SETD2: variants seen among roughly 807,000 people sequenced by gnomAD.
The protein encoded by SETD2 is SET domain containing 2, histone lysine methyltransferase, also known as histone-lysine N-methyltransferase SETD2.
Under a neutral mutation model 242.1 loss-of-function variants are expected in SETD2, and 31 were observed. The observed-to-expected ratio is 0.13, with a 90% CI of 0.10 to 0.17. SETD2 has a LOEUF of 0.17. SETD2 is among the 10% of genes least tolerant of loss of function. The pLI, the probability that SETD2 is intolerant of heterozygous loss-of-function variation, is 1.00. For missense variants in SETD2, 2,481 were observed against 3,046.3 expected (o/e 0.81, Z 4.37); for synonymous variants, 1,006 against 1,066.5 (o/e 0.94, Z 1.11).
At position 47,052,668 on chromosome 3, in the gene SETD2, A is replaced by T. The variant is rs547977567; in HGVS notation, c.6963+4153T>A. ...CCTGTCTCTACTAAAAATACAAAAA[A>T]TTAGCTAGGAATGGTGGTGCACACC... On this transcript the variant is annotated intron_variant, in intron 15 of 20. Coordinates refer to ENST00000409792, the MANE Select transcript of SETD2 (RefSeq NM_014159.7). 6.6e-5 allele frequency among the ~76,000 whole-genome samples: 10 copies of T among 152,030 alleles called. No homozygotes were observed. In the South Asian group the frequency reaches 2.1e-3, roughly 32 times the overall value.
At chr3:47,125,241 C>A (rs182946352) in intron 2 of SETD2, among the ~76,000 whole-genome samples, 4 of 152,070 alleles carry the variant, frequency 2.6e-5, no homozygotes, top group African/African-American at 7.2e-5. Flanking sequence ...ATCACTGGAA[C>A]CCCGGAGGCA....
rs746928112 is a variant in SETD2 at position 47,057,024 on chromosome 3, C to T, written c.6760G>A (p.Val2254Ile). 1.1e-5 allele frequency: 17 copies of T among 1,614,126 alleles called. No homozygotes were observed. Among genetic ancestry groups the T allele is most frequent in the African/African-American group, 6.7e-5 (5 of 74,948 alleles). ...GGGGCCGGCACTGGCAAGACAGCAA[C>T]GCTGGAGTCTTGGTGTACTACACCA... ...SDGVVHQDSS[V>I]AVLPVPAPGP... Residue 2254 changes from valine to isoleucine, a missense_variant, in exon 15 of 21, where the codon GTT becomes ATT. This residue lies in a region of SETD2 where 235 missense variants were observed against 293.9 expected (regional missense o/e 0.80). Transcript: ENST00000409792.
chr3:47,060,083 G>A (rs983297762), intron 14 of SETD2, among the ~76,000 whole-genome samples: 1 of 152,138 alleles, frequency 6.6e-6, no homozygotes, highest in Admixed American at 6.5e-5. Flanking sequence ...GAGAAACTCC[G>A]TCTCTACAAA....
intron 1 of SETD2, among the ~76,000 whole-genome samples, chr3:47,161,643 A>G (rs946345816): frequency 1.6e-4 from 24 of 152,232 alleles, no homozygotes; most frequent in Non-Finnish European, 2.9e-4. Context: ...ACAGGTTAAT[A>G]CACAAGAAGA....
At chr3:47,043,014 A>G (rs2107541109) in intron 16 of SETD2, among the ~76,000 whole-genome samples, 1 of 151,802 alleles carries the variant, frequency 6.6e-6, no homozygotes, top group South Asian at 2.1e-4. Flanking sequence ...ACTAAATGGG[A>G]TACAGAAATA....
At chr3:47,083,632 G>T in intron 12 of SETD2, 88 bp downstream of exon 12, 1 of 1,237,882 alleles carries the variant, frequency 8.1e-7, no homozygotes, top group Non-Finnish European at 1.1e-6. Flanking sequence ...AATATGCATG[G>T]CTAAAAAAAG....
At chr3:47,064,881 T>C (rs1306591138) in intron 13 of SETD2, among the ~76,000 whole-genome samples, 2 of 151,284 alleles carry the variant, frequency 1.3e-5, no homozygotes, top group East Asian at 3.9e-4. Flanking sequence ...AGATGAAGGG[T>C]TCTACATGTG....
At chr3:47,056,316 G>A (rs1219314156) in intron 15 of SETD2, among the ~76,000 whole-genome samples, 2 of 151,624 alleles carry the variant, frequency 1.3e-5, no homozygotes, top group Non-Finnish European at 2.9e-5. Context: ...TAGTAGAGAT[G>A]GGGTTTCACC....
chr3:47,121,268 T>C lies in SETD2; in HGVS notation c.3368A>G (p.Lys1123Arg), dbSNP rs899892285. Residue 1123 changes from lysine (K) to arginine (R), a missense_variant, in exon 3 of 21, where the codon AAA becomes AGA. Lys to Arg is a conservative substitution (Grantham distance 26, BLOSUM62 2). This residue lies in a region of SETD2 where 1,300 missense variants were observed against 1,259.2 expected (regional missense o/e 1.03). Transcript: ENST00000409792. ...YEEKFESIASKACPQTDKFFL... is the reference protein window; with the variant it reads ...YEEKFESIASRACPQTDKFFL... The stretch of plus-strand genomic sequence containing the variant: ...AAACTTATCAGTTTGAGGACAGGCT[T>C]TACTTGCTATACTTTCAAATTTTTC... 3 of 1,613,802 alleles carry C rather than the reference T, an allele frequency of 1.9e-6. No homozygotes were observed. The African/African-American group carries it at 4.0e-5, about 22-fold the overall frequency.
chr3:47,138,946 G>A (rs546326534), intron 1 of SETD2, among the ~76,000 whole-genome samples: 30 of 152,172 alleles, frequency 2.0e-4, no homozygotes, highest in African/African-American at 7.2e-4. Context: ...CTTGTTCAAC[G>A]TCTTTCTTTC....
chr3:47,054,114 G>A (rs1367434382), intron 15 of SETD2, among the ~76,000 whole-genome samples: 1 of 152,114 alleles, frequency 6.6e-6, no homozygotes. Context: ...ATCTCACACA[G>A]TGGGGAACGG....
At chr3:47,042,207 C>T (rs1187549281) in intron 17 of SETD2, among the ~76,000 whole-genome samples, 1 of 152,160 alleles carries the variant, frequency 6.6e-6, no homozygotes, top group African/African-American at 2.4e-5. Flanking sequence ...ACTAAAAACA[C>T]AAAAATTAGC....
chr3:47,164,098 C>T lies in SETD2; in HGVS notation c.-174G>A. On this transcript the variant is annotated 5_prime_UTR_variant, in exon 1 of 21. Transcript: ENST00000409792. This position sits in a 1 kb window ranked among gnomAD's most constrained non-coding sequence, Gnocchi z 5.4. Reference sequence around the variant, plus strand: ...GTCGCTCCCTCCCTCCCTCGGACGCCCGCCAGCCGCTCTCTCCCTCTCACC... The same window carrying T: ...GTCGCTCCCTCCCTCCCTCGGACGCTCGCCAGCCGCTCTCTCCCTCTCACC... 1 of 1,118,578 alleles carries T rather than the reference C, an allele frequency of 8.9e-7. No individual in the cohort carries two copies. The highest frequency in any genetic ancestry group is 1.1e-6 in the Non-Finnish European group (1 of 892,202). The allele number at this position is 1,118,578 out of a possible 1,614,324, so 69.3% of individuals were successfully genotyped here. A position where few individuals can be genotyped will look rare whatever the true frequency, so the allele number is the denominator to read the frequency against.
chr3:47,153,814 CAAGT>C (rs1219348275), intron 1 of SETD2, among the ~76,000 whole-genome samples: 2 of 149,088 alleles, frequency 1.3e-5, no homozygotes, highest in African/African-American at 2.5e-5. Flanking sequence ...TTAAAAGAAA[CAAGT>C]AACTAATCAA....
chr3:47,086,717 T>C (rs1413098550), intron 10 of SETD2, among the ~76,000 whole-genome samples: 7 of 151,922 alleles, frequency 4.6e-5, no homozygotes, highest in African/African-American at 1.7e-4. Flanking sequence ...AGACCTCTTT[T>C]TCCTGTTAGT....
chr3:47,037,280 C>A (rs1185676180), intron 18 of SETD2, among the ~76,000 whole-genome samples: 5 of 109,938 alleles, frequency 4.5e-5, no homozygotes, highest in Admixed American at 9.5e-5. Context: ...TCCCTCCCCC[C>A]TCCCCCCCAC....
chr3:47,155,390 A>T lies in SETD2; in HGVS notation c.71+8464T>A, dbSNP rs73831481. Reference sequence around the variant, plus strand: ...GCCAAAAGTAAATAAAACTTTTTTTAAAATATAGAAAGGTAATACAAACGT... The same window carrying T: ...GCCAAAAGTAAATAAAACTTTTTTTTAAATATAGAAAGGTAATACAAACGT... On this transcript the variant is annotated intron_variant, in intron 1 of 20. Transcript: ENST00000409792. 1.9e-3 allele frequency among the ~76,000 whole-genome samples: 290 copies of T among 152,336 alleles called. 2 individuals are homozygous for T. The highest frequency in any genetic ancestry group is 6.7e-3 in the African/African-American group (279 of 41,584).
At chr3:47,096,891 T>C (rs919957029) in intron 9 of SETD2, among the ~76,000 whole-genome samples, 2 of 152,222 alleles carry the variant, frequency 1.3e-5, no homozygotes, top group African/African-American at 4.8e-5. Flanking sequence ...ATATAAACTG[T>C]CCTTTTCTGC....
chr3:47,026,334 G>A (rs573555869), intron 18 of SETD2, among the ~76,000 whole-genome samples: 2 of 152,196 alleles, frequency 1.3e-5, no homozygotes, highest in African/African-American at 4.8e-5. Context: ...TGGAAAATAG[G>A]AATGCTTTTA....
Sources: gnomAD v4.1 joint callset for allele counts (sites outside exome capture counted in the v4.1 genomes callset) on GRCh38, gnomAD v4.1.1 for gene constraint, gnomAD v4.1.1 regional missense constraint, Gnocchi (gnomAD v3.1) non-coding constraint, MANE v1.5 for transcripts, NCBI Gene and HGNC (gene_info 2026-07-23, HGNC 2026-07-21) for gene names.